Variants in DECR1 observed in about 807,000 individuals in gnomAD.
DECR1 encodes 2,4-dienoyl-CoA reductase [(3E)-enoyl-CoA-producing], mitochondrial.
DECR1 carries 44 observed loss-of-function variants against 38.8 expected under a neutral mutation model. That is an observed-to-expected ratio of 1.13 (90% confidence interval 0.89 to 1.46). DECR1 has a LOEUF of 1.46. DECR1 is among the 40% of genes most tolerant of loss of function. The pLI, the probability that DECR1 is intolerant of heterozygous loss-of-function variation, is 0.00. For missense variants in DECR1, 428 were observed against 405.5 expected, an observed-to-expected ratio of 1.06 and a Z score of -0.48; for synonymous variants, 148 against 135.2, an observed-to-expected ratio of 1.09 and a Z score of -0.66.
intron 5 of DECR1, among the ~76,000 whole-genome samples, chr8:90,032,374 C>T (rs1813519469): frequency 6.6e-6 from 1 of 152,164 alleles, no homozygotes; most frequent in Non-Finnish European, 1.5e-5. Context: ...TACCACATCT[C>T]TCTTGCCTGC....
intron 1 of DECR1, 152 bp downstream of exon 1, chr8:90,001,713 G>A (rs1341580655): frequency 1.5e-6 from 1 of 686,100 alleles, no homozygotes; most frequent in Non-Finnish European, 2.4e-6. Context: ...GGGGAGCGAG[G>A]ACAGGGCATC....
chr8:90,006,738 A>G (rs1812751255), intron 1 of DECR1, among the ~76,000 whole-genome samples: 1 of 152,232 alleles, frequency 6.6e-6, no homozygotes, highest in Non-Finnish European at 1.5e-5. Context: ...ATACGATATC[A>G]TCAGGTAAGA....
chr8:90,033,763 A>G (rs1586157297), intron 5 of DECR1, among the ~76,000 whole-genome samples: 1 of 152,344 alleles, frequency 6.6e-6, no homozygotes, highest in Admixed American at 6.5e-5. Context: ...TTCAGCATCT[A>G]AATTGTAGTA....
At chr8:90,040,472 T>G (rs1813730121) in intron 6 of DECR1, among the ~76,000 whole-genome samples, 1 of 152,140 alleles carries the variant, frequency 6.6e-6, no homozygotes, top group Admixed American at 6.6e-5. Context: ...TTCATAGAAC[T>G]TAGCGCATTT....
chr8:90,050,489 A>C (rs1814048862), intron 8 of DECR1, among the ~76,000 whole-genome samples: 1 of 152,202 alleles, frequency 6.6e-6, no homozygotes, highest in South Asian at 2.1e-4. Context: ...ATCTCACACC[A>C]GTTAGAATGG....
intron 6 of DECR1, among the ~76,000 whole-genome samples, chr8:90,040,817 G>A (rs1235979313): frequency 1.3e-5 from 2 of 152,086 alleles, no homozygotes; most frequent in East Asian, 3.9e-4. Context: ...CCTTTATTAT[G>A]GCTGCACAGT....
intron 1 of DECR1, 109 bp downstream of exon 1, chr8:90,001,670 G>A (rs1287467376): frequency 3.9e-6 from 4 of 1,028,778 alleles, no homozygotes; most frequent in Non-Finnish European, 5.7e-6. Flanking sequence ...ATCCTGGGGC[G>A]CAAAGAGAGA....
intron 1 of DECR1, chr8:90,016,618 A>C (rs543859854): frequency 1.0e-4 from 16 of 156,730 alleles, no homozygotes; most frequent in African/African-American, 3.9e-4. Flanking sequence ...CAGCCTGGCT[A>C]CAGAGCGAGA....
intron 6 of DECR1, among the ~76,000 whole-genome samples, chr8:90,040,748 T>A (rs1813740069): frequency 6.6e-6 from 1 of 152,174 alleles, no homozygotes; most frequent in Non-Finnish European, 1.5e-5. Context: ...CCTGTGTTAG[T>A]TTGCTGAGAA....
At chr8:90,032,924 G>T (rs1195000473) in intron 5 of DECR1, among the ~76,000 whole-genome samples, 3 of 152,132 alleles carry the variant, frequency 2.0e-5, no homozygotes, top group Non-Finnish European at 2.9e-5. Flanking sequence ...GTAATAGGTG[G>T]AATCAACAAC....
chr8:90,009,701 T>G (rs375765501), intron 1 of DECR1, among the ~76,000 whole-genome samples: 2 of 152,218 alleles, frequency 1.3e-5, no homozygotes, highest in East Asian at 3.8e-4. Context: ...AATTTTTGGT[T>G]TAAAAAAGAT....
intron 1 of DECR1, among the ~76,000 whole-genome samples, chr8:90,004,603 G>T (rs937881331): frequency 2.0e-5 from 3 of 152,048 alleles, no homozygotes; most frequent in Non-Finnish European, 2.9e-5. Context: ...GTTTTCTCAC[G>T]ATGAATATTG....
At chr8:90,049,661 A>G (rs553849620) in intron 8 of DECR1, among the ~76,000 whole-genome samples, 42 of 152,332 alleles carry the variant, frequency 2.8e-4, no homozygotes, top group African/African-American at 9.4e-4. Flanking sequence ...TTCTTCACAG[A>G]ATTGGAAAAA....
At chr8:90,045,559 G>C (rs1348213199) in intron 8 of DECR1, among the ~76,000 whole-genome samples, 1 of 152,226 alleles carries the variant, frequency 6.6e-6, no homozygotes, top group African/African-American at 2.4e-5. Context: ...GCCCACCACA[G>C]CTCAAGGAGG....
intron 4 of DECR1, 42 bp from the exon 5 acceptor site, chr8:90,020,867 C>T: frequency 8.2e-6 from 12 of 1,461,396 alleles, no homozygotes; most frequent in Non-Finnish European, 1.1e-5. Context: ...AAATGTTTTT[C>T]CTCATCTAAA....
At chr8:90,029,735 T>A (rs1813448570) in intron 5 of DECR1, among the ~76,000 whole-genome samples, 1 of 152,162 alleles carries the variant, frequency 6.6e-6, no homozygotes, top group South Asian at 2.1e-4. Flanking sequence ...TTTCAAAACA[T>A]TCCTTTTTCC....
At chr8:90,039,241 C>T (rs553162809) in intron 6 of DECR1, among the ~76,000 whole-genome samples, 3 of 152,226 alleles carry the variant, frequency 2.0e-5, no homozygotes, top group South Asian at 2.1e-4. Flanking sequence ...TGTATTAGTC[C>T]GTTCTCACTC....
rs1333509464 is a variant in DECR1, at chr8:90,036,870, T to C, written c.595T>C (p.Tyr199His). 5.0e-6 allele frequency: 8 copies of C among 1,613,408 alleles called. No individual in the cohort carries two copies. The East Asian group carries it at 1.6e-4, about 31-fold the overall frequency. The change falls in exon 6 of 10, where the codon TAT becomes CAT. Residue 199 changes from tyrosine to histidine, a missense_variant. Transcript: ENST00000220764. ...AGCATTTCTTTCTATTACTACTATC[T>C]ATGCTGAGACTGGTTCAGGTTTTGT... ...GAAFLSITTI[Y>H]AETGSGFVVP...
chr8:90,038,767 A>T (rs1339125156), intron 6 of DECR1, among the ~76,000 whole-genome samples: 1 of 152,188 alleles, frequency 6.6e-6, no homozygotes, highest in Non-Finnish European at 1.5e-5. Flanking sequence ...TTCTTTTAGT[A>T]GTCCCAGAGC....
Sources: gnomAD v4.1 joint callset for allele counts (sites outside exome capture counted in the v4.1 genomes callset) on GRCh38, gnomAD v4.1.1 for gene constraint, MANE v1.5 for transcripts, NCBI Gene and HGNC (gene_info 2026-07-23, HGNC 2026-07-21) for gene names.